Variants in TCERG1L observed in about 807,000 individuals in gnomAD.
TCERG1L encodes transcription elongation regulator 1-like protein.
Under a neutral mutation model 56.3 loss-of-function variants are expected in TCERG1L, and 37 were observed. The ratio of observed to expected loss-of-function variants is 0.66; its 90% CI spans 0.51 to 0.87. TCERG1L has a LOEUF of 0.87. Among genes scored for constraint, TCERG1L ranks in the 40% least tolerant of loss-of-function variants. TCERG1L has a pLI of 0.00. For synonymous variants in TCERG1L, 324 were observed against 326.3 expected, an observed-to-expected ratio of 0.99 and a Z score of 0.08; for missense variants, 799 against 774.2, an observed-to-expected ratio of 1.03 and a Z score of -0.38.
chr10:131,177,797 G>T (rs1343329296), intron 4 of TCERG1L, among the ~76,000 whole-genome samples: 1 of 151,570 alleles, frequency 6.6e-6, no homozygotes, highest in African/African-American at 2.4e-5. Context: ...CCTGGCACGT[G>T]ACTCTGGATC....
chr10:131,284,844 A>G (rs1444794469), intron 3 of TCERG1L, among the ~76,000 whole-genome samples: 1 of 152,212 alleles, frequency 6.6e-6, no homozygotes, highest in Non-Finnish European at 1.5e-5. Context: ...AATAGGAAAT[A>G]GAAAGCATGC....
At chr10:131,129,405 CTAG>C (rs1845595711) in intron 8 of TCERG1L, among the ~76,000 whole-genome samples, 1 of 152,208 alleles carries the variant, frequency 6.6e-6, no homozygotes, top group South Asian at 2.1e-4. Flanking sequence ...TCAGACTAAT[CTAG>C]AGGGGCACTG....
At position 131,311,188 on chromosome 10, in the gene TCERG1L, C is replaced by G. The variant is rs1412348777; in HGVS notation, c.342+106G>C. On this transcript the variant is annotated intron_variant, in intron 1 of 11. Coordinates refer to ENST00000368642, the MANE Select transcript of TCERG1L (RefSeq NM_174937.4). This position sits in a 1 kb window ranked among gnomAD's most constrained non-coding sequence, Gnocchi z 4.0. ...GAGGGTTTGGGGCGGCGAGGACCGCCGGGGAGGAGGGCGCGCGAGCCGGAG... is the reference window on the plus strand; with the variant it reads ...GAGGGTTTGGGGCGGCGAGGACCGCGGGGGAGGAGGGCGCGCGAGCCGGAG... The G allele has an allele frequency of 3.2e-6, 3 of 934,636 alleles. No individual in the cohort carries two copies. The highest frequency in any genetic ancestry group is 4.1e-6 in the Non-Finnish European group (3 of 740,482). The allele number at this position is 934,636 out of a possible 1,614,324, so 57.9% of individuals were successfully genotyped here. A position where few individuals can be genotyped will look rare whatever the true frequency, so the allele number is the denominator to read the frequency against.
At chr10:131,116,031 A>C (rs1589778651) in intron 9 of TCERG1L, among the ~76,000 whole-genome samples, 1 of 152,182 alleles carries the variant, frequency 6.6e-6, no homozygotes, top group Admixed American at 6.5e-5. Flanking sequence ...CGTGTTCATT[A>C]TAAACATCCT....
rs1480207911 is a variant in TCERG1L, at chr10:131,311,438, G to A, written c.198C>T (p.Ala66=). 1.7e-6 allele frequency: 2 copies of A among 1,177,196 alleles called. No individual in the cohort carries two copies. Among genetic ancestry groups the A allele is most frequent in the African/African-American group, 1.6e-5 (1 of 61,804 alleles). The allele number at this position is 1,177,196 out of a possible 1,614,324, so 72.9% of individuals were successfully genotyped here. A position where few individuals can be genotyped will look rare whatever the true frequency, so the allele number is the denominator to read the frequency against. The change falls in exon 1 of 12, where the codon GCC becomes GCT. Residue 66 remains alanine, a synonymous_variant. Transcript: ENST00000368642. The surrounding 1 kb of genome is among the most constrained non-coding windows in gnomAD (Gnocchi z 4.0). The part of the protein sequence containing the change: ...VVVPPVLLAS[A]PPPAAPLLPG... Reference sequence around the variant, plus strand: ...GGAGCAGCGGGGCCGCGGGCGGCGGGGCCGAGGCGAGCAGCACCGGGGGAA... The same window carrying A: ...GGAGCAGCGGGGCCGCGGGCGGCGGAGCCGAGGCGAGCAGCACCGGGGGAA...
At chr10:131,206,432 A>G (rs2944485) in intron 4 of TCERG1L, among the ~76,000 whole-genome samples, 93,478 of 152,104 alleles carry the variant, frequency 0.61, 29,191 homozygotes, top group East Asian at 0.76. Flanking sequence ...GCCTCACCTG[A>G]GCCTTCCTGG....
intron 4 of TCERG1L, among the ~76,000 whole-genome samples, chr10:131,219,648 G>C (rs543878237): frequency 7.6e-4 from 115 of 152,314 alleles, no homozygotes; most frequent in African/African-American, 2.7e-3. Context: ...AAGGTTGCCC[G>C]GCCCCAGGGC....
intron 3 of TCERG1L, among the ~76,000 whole-genome samples, chr10:131,291,401 C>CTTTTTGT (rs1846622639): frequency 2.7e-5 from 1 of 36,566 alleles, no homozygotes; most frequent in East Asian, 1.1e-3. Context: ...AACAGCATTT[C>CTTTTTGT]TTTTTTTTTT....
chr10:131,134,808 G>C (rs987090993), intron 7 of TCERG1L, among the ~76,000 whole-genome samples: 2 of 152,174 alleles, frequency 1.3e-5, no homozygotes, highest in Non-Finnish European at 2.9e-5. Flanking sequence ...AGGGAACCAT[G>C]AGACCGGGGC....
intron 6 of TCERG1L, among the ~76,000 whole-genome samples, chr10:131,159,530 C>A (rs1845955845): frequency 6.6e-6 from 1 of 152,154 alleles, no homozygotes; most frequent in Non-Finnish European, 1.5e-5. Context: ...GAAAATGAGA[C>A]AGATGAAAGG....
chr10:131,298,595 G>A (rs562945296), intron 3 of TCERG1L, among the ~76,000 whole-genome samples: 1 of 152,284 alleles, frequency 6.6e-6, no homozygotes, highest in African/African-American at 2.4e-5. Context: ...TGTATTTTTA[G>A]TAGAGACAGG....
intron 9 of TCERG1L, among the ~76,000 whole-genome samples, chr10:131,110,069 G>A (rs1388253844): frequency 6.6e-6 from 1 of 152,176 alleles, no homozygotes; most frequent in Non-Finnish European, 1.5e-5. Context: ...GAGTGGACAG[G>A]CACCGGGAGT....
chr10:131,304,219 T>C (rs1194910226), intron 3 of TCERG1L, among the ~76,000 whole-genome samples: 1 of 152,066 alleles, frequency 6.6e-6, no homozygotes, highest in Non-Finnish European at 1.5e-5. Flanking sequence ...TCTATTTCAT[T>C]TGCCTTTGCT....
At chr10:131,177,487 T>G (rs1009799323) in intron 4 of TCERG1L, among the ~76,000 whole-genome samples, 2 of 152,254 alleles carry the variant, frequency 1.3e-5, no homozygotes, top group African/African-American at 4.8e-5. Flanking sequence ...CAAAACAAGT[T>G]GCTTCTCTGA....
intron 3 of TCERG1L, among the ~76,000 whole-genome samples, chr10:131,299,696 G>A (rs2133581040): frequency 6.6e-6 from 1 of 152,038 alleles, no homozygotes; most frequent in South Asian, 2.1e-4. Flanking sequence ...CTGAATGGAT[G>A]GTGAATTTAA....
chr10:131,243,075 A>G (rs1305448094), intron 4 of TCERG1L, among the ~76,000 whole-genome samples: 1 of 152,166 alleles, frequency 6.6e-6, no homozygotes, highest in Non-Finnish European at 1.5e-5. Context: ...TTTAAAGAAT[A>G]GTTAGTTCTG....
intron 4 of TCERG1L, among the ~76,000 whole-genome samples, chr10:131,256,948 AGAAGGAAGGAAGGAAGGAAGGAAG>A (rs71009955): frequency 1.6e-5 from 1 of 60,738 alleles, no homozygotes; most frequent in Non-Finnish European, 3.3e-5. Context: ...AGGAAGAGAA[AGAAGGAAGGAAGGAAGGAAGGAAG>A]GAAGGAAGGA....
chr10:131,283,613 T>G (rs537701374), intron 3 of TCERG1L, among the ~76,000 whole-genome samples: 1 of 152,140 alleles, frequency 6.6e-6, no homozygotes, highest in Admixed American at 6.5e-5. Context: ...TAATTGTATA[T>G]GAAATGTTTT....
chr10:131,153,913 A>G (rs574895032), intron 6 of TCERG1L, among the ~76,000 whole-genome samples: 1 of 152,296 alleles, frequency 6.6e-6, no homozygotes, highest in African/African-American at 2.4e-5. Context: ...ATGGAGTTGA[A>G]CCAGAGCGGG....
Sources: allele counts gnomAD v4.1 joint callset (sites outside exome capture counted in the v4.1 genomes callset), GRCh38; gene constraint gnomAD v4.1.1; non-coding constraint Gnocchi (gnomAD v3.1); transcripts MANE v1.5; gene names NCBI Gene and HGNC (gene_info 2026-07-23, HGNC 2026-07-21).